Variants in KLHL4 observed in about 807,000 individuals in gnomAD.
KLHL4 encodes the protein kelch-like protein 4.
In KLHL4, 17 loss-of-function variants were observed where a neutral mutation model predicts 45.8. The ratio of observed to expected loss-of-function variants is 0.37; its 90% CI spans 0.25 to 0.56. KLHL4 has a LOEUF of 0.56. Among genes scored for constraint, KLHL4 ranks in the 20% least tolerant of loss-of-function variants. The pLI is 0.79. For synonymous variants in KLHL4, 224 were observed against 189.9 expected (o/e 1.18, Z -1.47); for missense variants, 544 against 544.9 (o/e 1.00, Z 0.02).
intron 1 of KLHL4, among the ~76,000 whole-genome samples, chrX:87,558,804 G>T (rs1050843274): frequency 1.9e-4 from 21 of 112,051 alleles, no homozygotes; most frequent in African/African-American, 6.5e-4. Flanking sequence ...GTAATGTTTA[G>T]AAACTAACAT....
intron 9 of KLHL4, among the ~76,000 whole-genome samples, chrX:87,648,780 C>T (rs954947550): frequency 9.0e-6 from 1 of 111,564 alleles, no homozygotes; most frequent in Non-Finnish European, 1.9e-5. Flanking sequence ...CTCTCTAGCA[C>T]TCAGTGTATA....
In KLHL4 at chrX:87,577,516, G is replaced by A. The variant is rs368453101; in HGVS notation, c.423-36361G>A. Among the ~76,000 whole-genome samples the A allele has an allele frequency of 1.3e-4, 15 of 111,468 alleles. No homozygotes were observed. In the South Asian group the frequency reaches 5.6e-3, roughly 41 times the overall value. On this transcript the variant is annotated intron_variant, in intron 1 of 10. Coordinates refer to ENST00000373119, the MANE Select transcript of KLHL4 (RefSeq NM_019117.5). ...GTTGACTGAAGATTCATTTGATGAG[G>A]GCAATTTGTCTGAAATAGATGATTC... is the stretch of plus-strand genomic sequence containing the variant.
At chrX:87,573,865 G>A (rs6617445) in intron 1 of KLHL4, among the ~76,000 whole-genome samples, 26,946 of 110,633 alleles carry the variant, frequency 0.24, 2,748 homozygotes, top group East Asian at 0.51. Flanking sequence ...GTCTTCATAG[G>A]TATAACATAA....
chrX:87,613,922 A>G lies in KLHL4; in HGVS notation c.468A>G (p.Glu156=). The change falls in exon 2 of 11, where the codon GAA becomes GAG. Residue 156 remains glutamate, a synonymous_variant. Coordinates refer to ENST00000373119, the MANE Select transcript of KLHL4 (RefSeq NM_019117.5). ...AAGACATGAATGCCACCAGATCTGA[A>G]GAGCAGTTCCATGTTATAAACCACG... ...HSEDMNATRS[E]EQFHVINHAE... 1 of 1,205,337 alleles carries G rather than the reference A, an allele frequency of 8.3e-7. No individual in the cohort carries two copies. The highest frequency in any genetic ancestry group is 1.1e-6 in the Non-Finnish European group (1 of 891,724).
chrX:87,551,730 G>A (rs1206414667), intron 1 of KLHL4, among the ~76,000 whole-genome samples: 1 of 111,552 alleles, frequency 9.0e-6, no homozygotes, highest in Non-Finnish European at 1.9e-5. Flanking sequence ...ACAGAAGAGA[G>A]AACCCAGAAA....
Position 87,517,817 on chromosome X carries a change from G to C in KLHL4, c.-77G>C. ...TTGTGCTTTTGTTAGTTCTACAGAAGAGGCAGAAAAACAAGAGATAACAAA... is the reference window on the plus strand; with the variant it reads ...TTGTGCTTTTGTTAGTTCTACAGAACAGGCAGAAAAACAAGAGATAACAAA... On this transcript the variant is annotated 5_prime_UTR_variant, in exon 1 of 11. Transcript: ENST00000373119. 1 of 1,043,489 alleles carries C rather than the reference G, an allele frequency of 9.6e-7. No homozygotes were observed. The highest frequency in any genetic ancestry group is 1.3e-6 in the Non-Finnish European group (1 of 770,916). The allele number at this position is 1,043,489 out of a possible 1,213,427, so 86.0% of individuals were successfully genotyped here.
chrX:87,648,758 C>A (rs1923717538), intron 9 of KLHL4, among the ~76,000 whole-genome samples: 1 of 111,559 alleles, frequency 9.0e-6, no homozygotes, highest in Non-Finnish European at 1.9e-5. Flanking sequence ...AAACTTTATT[C>A]TCAATGACTG....
intron 1 of KLHL4, among the ~76,000 whole-genome samples, chrX:87,568,561 G>T (rs1224295526): frequency 1.8e-5 from 2 of 109,923 alleles, no homozygotes; most frequent in African/African-American, 6.6e-5. Flanking sequence ...CAAAAATAAA[G>T]CTACAGTAAT....
intron 1 of KLHL4, among the ~76,000 whole-genome samples, chrX:87,519,407 T>A (rs1465157153): frequency 8.9e-6 from 1 of 111,995 alleles, no homozygotes; most frequent in Non-Finnish European, 1.9e-5. Context: ...CACAGTGTCT[T>A]GCTTTCATAA....
chrX:87,609,810 G>T lies in KLHL4; in HGVS notation c.423-4067G>T, dbSNP rs773373245. Among the ~76,000 whole-genome samples, 3 of 110,976 alleles carry T rather than the reference G, an allele frequency of 2.7e-5. No homozygotes were observed. The East Asian group carries it at 8.6e-4, about 32-fold the overall frequency. ...TTTGGCTTGTGTTGCCATTGCTTTT[G>T]GTGTTTTAGACATGAAGTCCTTGAA... On this transcript the variant is annotated intron_variant, in intron 1 of 10. Transcript: ENST00000373119.
intron 1 of KLHL4, among the ~76,000 whole-genome samples, chrX:87,572,915 T>G (rs1272858625): frequency 9.0e-6 from 1 of 111,046 alleles, no homozygotes; most frequent in African/African-American, 3.3e-5. Flanking sequence ...GCTGACTCAT[T>G]AAAGTACTGA....
intron 1 of KLHL4, among the ~76,000 whole-genome samples, chrX:87,568,347 T>C (rs1447025083): frequency 9.3e-6 from 1 of 107,191 alleles, no homozygotes; most frequent in African/African-American, 3.4e-5. Flanking sequence ...ATGCAATCGC[T>C]ATCAAAATCC....
At chrX:87,569,640 C>T (rs916105035) in intron 1 of KLHL4, among the ~76,000 whole-genome samples, 1 of 111,110 alleles carries the variant, frequency 9.0e-6, no homozygotes, top group African/African-American at 3.3e-5. Flanking sequence ...ACTGTTCAGC[C>T]GTATAAAGGA....
chrX:87,644,210 A>T (rs773377215), intron 9 of KLHL4, among the ~76,000 whole-genome samples: 35 of 111,955 alleles, frequency 3.1e-4, no homozygotes, highest in Non-Finnish European at 5.6e-4. Flanking sequence ...AAGTTTCTGG[A>T]TATAAGATTA....
At chrX:87,608,969 G>A (rs1922285880) in intron 1 of KLHL4, among the ~76,000 whole-genome samples, 1 of 110,338 alleles carries the variant, frequency 9.1e-6, no homozygotes, top group African/African-American at 3.3e-5. Context: ...GTGTCCATGT[G>A]TTCTCATTGT....
At chrX:87,534,793 T>C (rs1163159362) in intron 1 of KLHL4, among the ~76,000 whole-genome samples, 1 of 111,952 alleles carries the variant, frequency 8.9e-6, no homozygotes, top group Non-Finnish European at 1.9e-5. Flanking sequence ...ATTCAAGACC[T>C]CTTAAGATGC....
chrX:87,616,163 G>A (rs1446489113), intron 3 of KLHL4, among the ~76,000 whole-genome samples: 1 of 110,782 alleles, frequency 9.0e-6, no homozygotes, highest in Non-Finnish European at 1.9e-5. Flanking sequence ...ACTGTTTTGG[G>A]AGCAGACCAT....
intron 6 of KLHL4, among the ~76,000 whole-genome samples, chrX:87,627,336 A>G (rs1922961518): frequency 9.0e-6 from 1 of 110,802 alleles, no homozygotes; most frequent in South Asian, 3.8e-4. Flanking sequence ...GTGACGGGAA[A>G]TGAGGAAAGG....
intron 1 of KLHL4, among the ~76,000 whole-genome samples, chrX:87,541,526 C>T (rs1488424103): frequency 1.9e-5 from 2 of 104,852 alleles, no homozygotes; most frequent in Non-Finnish European, 2.0e-5. Context: ...GTGGCAGTTT[C>T]CTCTGCGTTC....
Sources: allele counts gnomAD v4.1 joint callset (sites outside exome capture counted in the v4.1 genomes callset), GRCh38; gene constraint gnomAD v4.1.1; transcripts MANE v1.5; gene names NCBI Gene and HGNC (gene_info 2026-07-23, HGNC 2026-07-21).